The following CFAP54 variants were observed in gnomAD, a reference collection of about 807,000 sequenced individuals.
CFAP54 encodes cilia and flagella associated protein 54.
CFAP54 carries 290 observed loss-of-function variants against 370.4 expected under a neutral mutation model. The observed-to-expected ratio is 0.78, with a 90% confidence interval of 0.71 to 0.86. The LOEUF is 0.86. Ranked by LOEUF, CFAP54 falls within the 40% of genes least tolerant of loss-of-function variation. The pLI, the probability that CFAP54 is intolerant of heterozygous loss-of-function variation, is 0.00. For missense variants in CFAP54, 3,399 were observed against 3,528.7 expected (o/e 0.96, Z 0.93); for synonymous variants, 1,206 against 1,236.5 (o/e 0.98, Z 0.52).
Position 96,564,664 on chromosome 12 carries a change from A to C in CFAP54, c.2518A>C (p.Ile840Leu). 1.6e-6 allele frequency: 1 copy of C among 639,116 alleles called. No individual in the cohort carries two copies. The highest frequency in any genetic ancestry group is 2.8e-6 in the Non-Finnish European group (1 of 361,784). 39.6% of individuals were successfully genotyped at this position (639,116 alleles called of 1,614,324 possible). The change falls in exon 19 of 68, where the codon ATA (isoleucine) becomes CTA (leucine). Residue 840 changes from isoleucine (I) to leucine (L), a missense_variant. Around this residue, in one of 3 missense-constraint regions of CFAP54, gnomAD observed 2,796 missense variants for 2,869.7 expected, o/e 0.97. Transcript: ENST00000524981. Reference protein sequence around the residue: ...CFTELNIMNKIKKNTLSKAIY... With the variant: ...CFTELNIMNKLKKNTLSKAIY... ...TATAGAATTAAATATAATGAATAAA[A>C]TAAAGAAGAATACATTATCCAAAGC...
intron 1 of CFAP54, among the ~76,000 whole-genome samples, chr12:96,494,248 T>C (rs1954922365): frequency 6.6e-6 from 1 of 152,062 alleles, no homozygotes; most frequent in Admixed American, 6.6e-5. Context: ...TTAGAGGCCA[T>C]TTTAAAGAGT....
At chr12:96,525,484 C>T (rs1955369306) in intron 8 of CFAP54, among the ~76,000 whole-genome samples, 1 of 151,782 alleles carries the variant, frequency 6.6e-6, no homozygotes, top group Non-Finnish European at 1.5e-5. Context: ...ATTCTTTTTG[C>T]TGGTTTTTCT....
At chr12:96,690,157 T>A (rs1957374508) in intron 43 of CFAP54, among the ~76,000 whole-genome samples, 1 of 152,268 alleles carries the variant, frequency 6.6e-6, no homozygotes, top group African/African-American at 2.4e-5. Flanking sequence ...GTGGACAATA[T>A]GTGTATTATT....
intron 1 of CFAP54, among the ~76,000 whole-genome samples, chr12:96,492,818 C>T (rs1235203799): frequency 6.6e-6 from 1 of 152,186 alleles, no homozygotes; most frequent in Non-Finnish European, 1.5e-5. Flanking sequence ...CATGGCAAAA[C>T]TCTGTCTCTA....
rs1266901939 is a variant in CFAP54 at position 96,598,536 on chromosome 12, T to A, written c.3517-109T>A. ...TAAACAATTTATCAATAATTATTGA[T>A]AACAAAATTTTATGTCTTAAAGCTT... On this transcript the variant is annotated intron_variant, in intron 25 of 67. Transcript: ENST00000524981. The A allele has an allele frequency of 6.9e-6, 3 of 432,374 alleles. No individual in the cohort carries two copies. The East Asian group carries it at 9.8e-5, about 14-fold the overall frequency. 26.8% of individuals were successfully genotyped at this position (432,374 alleles called of 1,614,324 possible).
intron 19 of CFAP54, 82 bp downstream of exon 19, chr12:96,564,847 A>G (rs753003239): frequency 1.4e-5 from 7 of 515,816 alleles, no homozygotes; most frequent in Non-Finnish European, 2.4e-5. Context: ...ATTAAAAATA[A>G]TGTGTTGCCC....
intron 26 of CFAP54, among the ~76,000 whole-genome samples, chr12:96,617,204 G>A (rs1956429004): frequency 6.6e-6 from 1 of 152,140 alleles, no homozygotes; most frequent in African/African-American, 2.4e-5. Flanking sequence ...TAAACAGATT[G>A]AATTTTGGAG....
intron 43 of CFAP54, among the ~76,000 whole-genome samples, chr12:96,689,697 A>T (rs1158370455): frequency 6.6e-6 from 1 of 152,198 alleles, no homozygotes; most frequent in Non-Finnish European, 1.5e-5. Context: ...TGAAGACTAC[A>T]GGAGAGGTAT....
rs188306181 is a variant in CFAP54, at chr12:96,735,431, C to T, written c.6966-4525C>T. 2.8e-3 allele frequency among the ~76,000 whole-genome samples: 424 copies of T among 152,290 alleles called. 5 individuals are homozygous for T. Among genetic ancestry groups the T allele is most frequent in the Admixed American group, 5.9e-3 (90 of 15,302 alleles). ...AAAAACCTCGGCAGATACCCTAACA[C>T]TGTGCAGAGGCTTAAGGAACTACTC... On this transcript the variant is annotated intron_variant, in intron 50 of 67. Transcript: ENST00000524981.
At chr12:96,796,099 TC>T (rs1958758930) in intron 63 of CFAP54, among the ~76,000 whole-genome samples, 1 of 152,122 alleles carries the variant, frequency 6.6e-6, no homozygotes, top group African/African-American at 2.4e-5. Flanking sequence ...GGGTGGACAT[TC>T]CCCCTCTCAC....
At chr12:96,778,024 A>G (rs2136686265) in intron 60 of CFAP54, among the ~76,000 whole-genome samples, 1 of 152,356 alleles carries the variant, frequency 6.6e-6, no homozygotes, top group South Asian at 2.1e-4. Flanking sequence ...AAAAATAAAA[A>G]CAAAAGGTAA....
chr12:96,832,286 T>A (rs865989281), intron 66 of CFAP54, among the ~76,000 whole-genome samples: 2,346 of 149,756 alleles, frequency 0.016, 58 homozygotes, highest in African/African-American at 0.048. Context: ...AAAAAAAATA[T>A]ATATATATAT....
At position 96,689,291 on chromosome 12, in the gene CFAP54, G is replaced by A. The variant is rs541645685; in HGVS notation, c.6081+309G>A. Among the ~76,000 whole-genome samples the A allele has an allele frequency of 1.1e-4, 17 of 152,162 alleles. No individual in the cohort carries two copies. In the South Asian group the frequency reaches 3.5e-3, roughly 32 times the overall value. On this transcript the variant is annotated intron_variant, in intron 43 of 67. Transcript: ENST00000524981. Reference sequence around the variant, plus strand: ...TTCTTGTGCCTCAGCCTCATAAGTGGCTGGGACTACAGGCGCGCACCACCA... The same window carrying A: ...TTCTTGTGCCTCAGCCTCATAAGTGACTGGGACTACAGGCGCGCACCACCA...
chr12:96,560,568 C>T (rs997648589), intron 17 of CFAP54, among the ~76,000 whole-genome samples: 8 of 152,180 alleles, frequency 5.3e-5, no homozygotes, highest in African/African-American at 1.7e-4. Context: ...TTTTTGAAGA[C>T]ATGTTCCACA....
intron 63 of CFAP54, among the ~76,000 whole-genome samples, chr12:96,800,829 C>T (rs760812947): frequency 6.6e-6 from 1 of 152,134 alleles, no homozygotes; most frequent in Non-Finnish European, 1.5e-5. Context: ...CATTAGCCCC[C>T]TTTTACAAAA....
chr12:96,664,815 A>C (rs374000829), intron 39 of CFAP54, among the ~76,000 whole-genome samples: 25,873 of 83,740 alleles, frequency 0.31, 4,658 homozygotes, highest in Admixed American at 0.37. Context: ...ATATATATAG[A>C]TATATATATG....
intron 66 of CFAP54, among the ~76,000 whole-genome samples, chr12:96,847,528 G>A (rs768824960): frequency 6.6e-6 from 1 of 152,186 alleles, no homozygotes; most frequent in East Asian, 1.9e-4. Context: ...TAGGAGCTCT[G>A]TGCCAGGAAC....
At chr12:96,564,400 A>G (rs944199335) in intron 17 of CFAP54, 68 bp from the exon 18 acceptor site, 2 of 629,492 alleles carry the variant, frequency 3.2e-6, no homozygotes, top group African/African-American at 3.7e-5. Context: ...GTTACTCCTT[A>G]GTATTTAAAA....
chr12:96,708,940 A>G (rs1299445357), intron 48 of CFAP54, 137 bp downstream of exon 48: 7 of 673,790 alleles, frequency 1.0e-5, no homozygotes, highest in Non-Finnish European at 1.7e-5. Context: ...TGACACACAT[A>G]TGTACTTATG....
Sources: allele counts gnomAD v4.1 joint callset (sites outside exome capture counted in the v4.1 genomes callset), GRCh38; gene constraint gnomAD v4.1.1; regional missense constraint gnomAD v4.1.1; transcripts MANE v1.5; gene names NCBI Gene and HGNC (gene_info 2026-07-23, HGNC 2026-07-21).